The following SPAG16 variants were observed in gnomAD, a reference collection of about 807,000 sequenced individuals.
SPAG16 encodes sperm-associated antigen 16 protein.
A neutral mutation model predicts 80.4 loss-of-function variants in SPAG16; 86 were observed. The ratio of observed to expected loss-of-function variants is 1.07; its 90% CI spans 0.90 to 1.28. The LOEUF (loss-of-function observed/expected upper bound fraction) is 1.28. Ranked by LOEUF, SPAG16 falls within the 50% of genes most tolerant of loss-of-function variation. SPAG16 has a pLI of 0.00. For missense variants in SPAG16, 870 were observed against 765.3 expected (o/e 1.14, Z -1.61); for synonymous variants, 294 against 265.9 (o/e 1.11, Z -1.03).
intron 9 of SPAG16, among the ~76,000 whole-genome samples, chr2:213,382,854 G>A (rs1559476768): frequency 6.6e-6 from 1 of 152,118 alleles, no homozygotes; most frequent in Non-Finnish European, 1.5e-5. Context: ...CAGAGAATAG[G>A]GGAGTTTATA....
intron 10 of SPAG16, among the ~76,000 whole-genome samples, chr2:213,616,148 A>T (rs964785537): frequency 9.9e-5 from 15 of 152,252 alleles, no homozygotes; most frequent in African/African-American, 3.6e-4. Flanking sequence ...TGTACCATTA[A>T]GTGGAAGAGG....
At chr2:213,576,114 G>A (rs904592869) in intron 10 of SPAG16, among the ~76,000 whole-genome samples, 1 of 152,126 alleles carries the variant, frequency 6.6e-6, no homozygotes, top group Non-Finnish European at 1.5e-5. Flanking sequence ...ATATAATGAA[G>A]GGGTCCTGTT....
At chr2:214,079,557 A>T (rs1576097170) in intron 13 of SPAG16, among the ~76,000 whole-genome samples, 1 of 152,348 alleles carries the variant, frequency 6.6e-6, no homozygotes, top group East Asian at 1.9e-4. Context: ...CATCATGTTA[A>T]AATTCCCAAC....
chr2:213,736,287 G>A (rs1451897537), intron 10 of SPAG16, among the ~76,000 whole-genome samples: 2 of 151,924 alleles, frequency 1.3e-5, no homozygotes, highest in African/African-American at 2.4e-5. Flanking sequence ...AATTGCTGTA[G>A]GTTCAGATTT....
chr2:214,074,676 A>T (rs1260520336), intron 13 of SPAG16, among the ~76,000 whole-genome samples: 1 of 152,124 alleles, frequency 6.6e-6, no homozygotes, highest in Non-Finnish European at 1.5e-5. Flanking sequence ...AATATGAAGC[A>T]CTCCTGTAAG....
chr2:213,678,038 A>G (rs893705946), intron 10 of SPAG16, among the ~76,000 whole-genome samples: 9 of 152,086 alleles, frequency 5.9e-5, no homozygotes. Context: ...TAACGAAATG[A>G]AGGCAGAAAT....
At chr2:214,147,903 T>C (rs750100427) in intron 14 of SPAG16, among the ~76,000 whole-genome samples, 1 of 152,200 alleles carries the variant, frequency 6.6e-6, no homozygotes, top group Admixed American at 6.5e-5. Context: ...ACAGAAAGAA[T>C]AGAAATCAAG....
chr2:213,646,233 G>C (rs1432191893), intron 10 of SPAG16, among the ~76,000 whole-genome samples: 2 of 152,086 alleles, frequency 1.3e-5, no homozygotes, highest in Non-Finnish European at 2.9e-5. Flanking sequence ...CTGATTTCTG[G>C]TTCTTGTGAA....
intron 12 of SPAG16, among the ~76,000 whole-genome samples, chr2:213,954,145 T>G (rs1369552697): frequency 1.3e-5 from 2 of 151,598 alleles, no homozygotes; most frequent in Non-Finnish European, 3.0e-5. Flanking sequence ...TCCTATTTTT[T>G]TTTTTTTTTT....
At chr2:214,065,382 C>A (rs182393272) in intron 13 of SPAG16, among the ~76,000 whole-genome samples, 240 of 152,136 alleles carry the variant, frequency 1.6e-3, no homozygotes, top group African/African-American at 5.2e-3. Flanking sequence ...AGAACACCGA[C>A]TGGAACATAG....
At chr2:213,951,769 C>T (rs1234384288) in intron 12 of SPAG16, among the ~76,000 whole-genome samples, 1 of 152,056 alleles carries the variant, frequency 6.6e-6, no homozygotes, top group Non-Finnish European at 1.5e-5. Context: ...CACTGGCTGA[C>T]GTTGAGTCAC....
chr2:213,676,240 G>C lies in SPAG16; in HGVS notation c.1070+186150G>C, dbSNP rs894248450. Among the ~76,000 whole-genome samples, 40 of 152,192 alleles carry C rather than the reference G, an allele frequency of 2.6e-4. 1 individual carries two copies. Reference sequence around the variant, plus strand: ...TTTTTGTACATTGATTTTGTATCCTGAGACTTTGCTAAAGTTGCTTATCAG... The same window carrying C: ...TTTTTGTACATTGATTTTGTATCCTCAGACTTTGCTAAAGTTGCTTATCAG... On this transcript the variant is annotated intron_variant, in intron 10 of 15. Coordinates refer to ENST00000331683, the MANE Select transcript of SPAG16 (RefSeq NM_024532.5).
intron 10 of SPAG16, among the ~76,000 whole-genome samples, chr2:213,686,213 G>T (rs549611774): frequency 5.7e-4 from 86 of 152,196 alleles, no homozygotes; most frequent in African/African-American, 2.0e-3. Flanking sequence ...CTGCCTCCCC[G>T]GTTCAAGTGA....
intron 15 of SPAG16, among the ~76,000 whole-genome samples, chr2:214,353,487 A>G (rs959551171): frequency 3.9e-5 from 6 of 152,196 alleles, no homozygotes; most frequent in African/African-American, 1.4e-4. Flanking sequence ...TCTGCAAGAG[A>G]TGTAGCAATC....
At chr2:213,305,792 A>T (rs1232248288) in intron 3 of SPAG16, among the ~76,000 whole-genome samples, 1 of 152,134 alleles carries the variant, frequency 6.6e-6, no homozygotes, top group Non-Finnish European at 1.5e-5. Context: ...ATCTATGTTC[A>T]TCAGGAATAT....
At position 214,410,384 on chromosome 2, in the gene SPAG16, C is replaced by A; in HGVS notation, c.*69C>A. On this transcript the variant is annotated 3_prime_UTR_variant, in exon 16 of 16. Transcript: ENST00000331683. ...GAAAATGCCTCCTGTAGTCCCAAAC[C>A]AGCAAAGAACTGGTTAAATGTGCCA... The A allele has an allele frequency of 7.1e-7, 1 of 1,410,854 alleles. No individual in the cohort carries two copies. Among genetic ancestry groups the A allele is most frequent in the South Asian group, 1.4e-5 (1 of 72,722 alleles). The allele number at this position is 1,410,854 out of a possible 1,614,324, so 87.4% of individuals were successfully genotyped here. A position where few individuals can be genotyped will look rare whatever the true frequency, so the allele number is the denominator to read the frequency against.
At chr2:213,928,306 A>G (rs1468403148) in intron 11 of SPAG16, among the ~76,000 whole-genome samples, 1 of 150,500 alleles carries the variant, frequency 6.6e-6, no homozygotes, top group Admixed American at 6.6e-5. Context: ...GTTAGCCAGG[A>G]TGGTCTCTAT....
In SPAG16 at chr2:213,954,080, A is replaced by G. The variant is rs181178048; in HGVS notation, c.1400+23935A>G. 1.8e-3 allele frequency among the ~76,000 whole-genome samples: 271 copies of G among 152,046 alleles called. 12 individuals carry two copies. Among genetic ancestry groups the G allele is most frequent in the Admixed American group, 0.018 (271 of 15,288 alleles). On this transcript the variant is annotated intron_variant, in intron 12 of 15. Coordinates refer to ENST00000331683, the MANE Select transcript of SPAG16 (RefSeq NM_024532.5). ...ATTGTGCAACCATTGCTATAATCCAATGTTAGAACAATCTTATCACACCAA... is the reference window on the plus strand; with the variant it reads ...ATTGTGCAACCATTGCTATAATCCAGTGTTAGAACAATCTTATCACACCAA...
chr2:214,015,037 T>C (rs2047515132), intron 13 of SPAG16, among the ~76,000 whole-genome samples: 1 of 152,092 alleles, frequency 6.6e-6, no homozygotes, highest in Non-Finnish European at 1.5e-5. Context: ...TCATGACTAT[T>C]TATGAAAGGT....
Sources: gnomAD v4.1 joint callset for allele counts (sites outside exome capture counted in the v4.1 genomes callset) on GRCh38, gnomAD v4.1.1 for gene constraint, MANE v1.5 for transcripts, NCBI Gene and HGNC (gene_info 2026-07-23, HGNC 2026-07-21) for gene names.